The following MAGI3 variants were observed in gnomAD, a reference collection of about 807,000 sequenced individuals.
MAGI3 encodes the protein membrane associated guanylate kinase, WW and PDZ domain containing 3.
In MAGI3, 43 loss-of-function variants were observed where a neutral mutation model predicts 121.8. The observed-to-expected ratio is 0.35, with a 90% CI of 0.28 to 0.46. The LOEUF (loss-of-function observed/expected upper bound fraction) is 0.46, where lower values mean the gene tolerates loss of function less well. MAGI3 is among the 20% of genes least tolerant of loss of function. The pLI, the probability that MAGI3 is intolerant of heterozygous loss-of-function variation, is 1.00. For synonymous variants in MAGI3, 553 were observed against 639.3 expected (o/e 0.86, Z 2.04); for missense variants, 1,547 against 1,797.3 (o/e 0.86, Z 2.52).
chr1:113,610,630 G>T (rs188128596), intron 6 of MAGI3, among the ~76,000 whole-genome samples: 377 of 152,076 alleles, frequency 2.5e-3, no homozygotes, highest in Admixed American at 5.2e-3. Flanking sequence ...TGTCATCCTC[G>T]CCTTTCCCTC....
At chr1:113,632,905 TTTTTA>T (rs1651728678) in intron 9 of MAGI3, among the ~76,000 whole-genome samples, 1 of 152,124 alleles carries the variant, frequency 6.6e-6, no homozygotes, top group African/African-American at 2.4e-5. Context: ...TTTAGTTTTT[TTTTTA>T]TTATTATTAT....
chr1:113,395,866 A>C (rs1038662512), intron 1 of MAGI3, among the ~76,000 whole-genome samples: 1 of 152,012 alleles, frequency 6.6e-6, no homozygotes, highest in African/African-American at 2.4e-5. Flanking sequence ...CAAATACTTA[A>C]CATTTGGCCA....
chr1:113,518,984 T>G (rs928381297), intron 1 of MAGI3, among the ~76,000 whole-genome samples: 3 of 152,108 alleles, frequency 2.0e-5, no homozygotes, highest in Admixed American at 6.6e-5. Flanking sequence ...GAATAACAAG[T>G]TTGTTTCCCC....
At chr1:113,407,824 C>T (rs975413534) in intron 1 of MAGI3, among the ~76,000 whole-genome samples, 11 of 152,074 alleles carry the variant, frequency 7.2e-5, no homozygotes, top group African/African-American at 2.4e-4. Context: ...AGTTTTCCCA[C>T]GAACTCGTTT....
chr1:113,619,945 T>C (rs1274536539), intron 8 of MAGI3, 115 bp downstream of exon 8: 1 of 638,194 alleles, frequency 1.6e-6, no homozygotes, highest in Non-Finnish European at 2.8e-6. Context: ...AAAGAGTGTC[T>C]AGTTGTTACT....
chr1:113,547,081 TAAAA>T (rs75603474), intron 1 of MAGI3, among the ~76,000 whole-genome samples: 1 of 120,200 alleles, frequency 8.3e-6, no homozygotes. Flanking sequence ...AGACTCCATC[TAAAA>T]AAAAAAAAAA....
intron 1 of MAGI3, among the ~76,000 whole-genome samples, chr1:113,407,985 G>C (rs1651779607): frequency 6.6e-6 from 1 of 152,110 alleles, no homozygotes; most frequent in South Asian, 2.1e-4. Context: ...AACATTTTCA[G>C]ATGTTTGGTT....
At chr1:113,606,054 C>T (rs540084687) in intron 6 of MAGI3, among the ~76,000 whole-genome samples, 1 of 152,266 alleles carries the variant, frequency 6.6e-6, no homozygotes, top group South Asian at 2.1e-4. Context: ...CAGCCTCCTC[C>T]TCCTGGGTCC....
At chr1:113,459,324 C>T (rs1280875923) in intron 1 of MAGI3, among the ~76,000 whole-genome samples, 2 of 152,126 alleles carry the variant, frequency 1.3e-5, no homozygotes, top group African/African-American at 2.4e-5. Context: ...TATATAGATA[C>T]TTATCATCAG....
At chr1:113,655,241 A>G (rs1290370455) in intron 15 of MAGI3, among the ~76,000 whole-genome samples, 3 of 152,198 alleles carry the variant, frequency 2.0e-5, no homozygotes, top group Non-Finnish European at 2.9e-5. Flanking sequence ...GGATAATGAT[A>G]TTGTCATTCT....
At chr1:113,416,128 GAC>G (rs1202169440) in intron 1 of MAGI3, among the ~76,000 whole-genome samples, 2 of 98,132 alleles carry the variant, frequency 2.0e-5, no homozygotes, top group South Asian at 6.2e-4. Context: ...TGTAATTAAT[GAC>G]ACATATTAAT....
At chr1:113,563,210 A>T (rs1032269723) in intron 2 of MAGI3, among the ~76,000 whole-genome samples, 1 of 152,180 alleles carries the variant, frequency 6.6e-6, no homozygotes, top group Non-Finnish European at 1.5e-5. Flanking sequence ...AAACCAATTA[A>T]TTTTTTCAAT....
intron 2 of MAGI3, among the ~76,000 whole-genome samples, chr1:113,558,566 G>C (rs546495144): frequency 3.3e-5 from 5 of 151,936 alleles, no homozygotes; most frequent in East Asian, 3.9e-4. Flanking sequence ...TATATAAAGA[G>C]ACCAAATCTA....
intron 6 of MAGI3, among the ~76,000 whole-genome samples, chr1:113,603,381 AAG>A (rs1649528357): frequency 3.3e-5 from 5 of 151,894 alleles, no homozygotes; most frequent in Non-Finnish European, 7.4e-5. Context: ...CAACAACAAA[AAG>A]CCTGAGGCCA....
intron 2 of MAGI3, among the ~76,000 whole-genome samples, chr1:113,572,391 G>A (rs1449251955): frequency 6.6e-6 from 1 of 152,168 alleles, no homozygotes; most frequent in East Asian, 1.9e-4. Context: ...TTGGTATCAG[G>A]ATGATGCTGG....
chr1:113,632,754 C>A (rs368279877), intron 9 of MAGI3, among the ~76,000 whole-genome samples: 2 of 152,168 alleles, frequency 1.3e-5, no homozygotes, highest in East Asian at 3.9e-4. Flanking sequence ...ACATCAAATT[C>A]AAAATTGCTG....
intron 1 of MAGI3, among the ~76,000 whole-genome samples, chr1:113,409,980 T>C (rs1651891260): frequency 6.6e-6 from 1 of 152,164 alleles, no homozygotes. Context: ...TTCTGCCTAA[T>C]GTAAATGATT....
At chr1:113,645,773 G>T (rs1004663995) in intron 11 of MAGI3, among the ~76,000 whole-genome samples, 1 of 152,092 alleles carries the variant, frequency 6.6e-6, no homozygotes, top group African/African-American at 2.4e-5. Flanking sequence ...CCAGGAAAAC[G>T]AGCTGGTCTC....
chr1:113,629,689 C>A (rs1651474177), intron 9 of MAGI3, among the ~76,000 whole-genome samples: 1 of 151,412 alleles, frequency 6.6e-6, no homozygotes, highest in Non-Finnish European at 1.5e-5. Context: ...GACTCTTGTT[C>A]TTTTCCCTTA....
Sources: allele counts gnomAD v4.1 joint callset (sites outside exome capture counted in the v4.1 genomes callset), GRCh38; gene constraint gnomAD v4.1.1; transcripts MANE v1.5; gene names NCBI Gene and HGNC (gene_info 2026-07-23, HGNC 2026-07-21).